The following ZNF695 variants were observed in gnomAD, a reference collection of about 807,000 sequenced individuals.
The protein encoded by ZNF695 is zinc finger protein SBZF3.
A neutral mutation model predicts 11.2 loss-of-function variants in ZNF695; 11 were observed. That is an observed-to-expected ratio of 0.98 (90% confidence interval 0.62 to 1.62). The LOEUF (loss-of-function observed/expected upper bound fraction) is 1.62. ZNF695 is among the 40% of genes most tolerant of loss of function. The probability of loss-of-function intolerance (pLI) is 0.00; values close to 1 mark genes in which losing one functional copy is unlikely to be tolerated. For synonymous variants in ZNF695, 190 were observed against 201.4 expected (o/e 0.94, Z 0.48); for missense variants, 559 against 590.5 (o/e 0.95, Z 0.55).
chr1:246,971,954 T>C (rs1429330784), intron 4 of ZNF695, among the ~76,000 whole-genome samples: 1 of 152,140 alleles, frequency 6.6e-6, no homozygotes, highest in Non-Finnish European at 1.5e-5. Context: ...CAGGCTGGTC[T>C]TGAACTCCTG....
Position 246,945,931 on chromosome 1 carries a change from C to T in ZNF695, c.489-104G>A. The T allele has an allele frequency of 3.6e-6, 5 of 1,403,124 alleles. No homozygotes were observed. The East Asian group carries it at 1.0e-4, about 28-fold the overall frequency. 86.9% of individuals were successfully genotyped at this position (1,403,124 alleles called of 1,614,324 possible). ...CCGGTTCTGATTGAAGACTTGGTTC[C>T]ATTGGAGAAGTCTGTCTGTCCCTTG... is the stretch of plus-strand genomic sequence containing the variant. On this transcript the variant is annotated intron_variant, in intron 5 of 5. Transcript: ENST00000487338.
In ZNF695 at chr1:246,959,268, G is replaced by GT. The variant is rs569584509; in HGVS notation, c.488+8426dup. ...GACTCACTCCAGCCTGGATGACAGA[G>GT]TGAGACCCTGTCTCAAAAAAAAAAA... On this transcript the variant is annotated intron_variant, in intron 5 of 5. Transcript: ENST00000487338. Among the ~76,000 whole-genome samples the GT allele has an allele frequency of 1.2e-3, 107 of 91,020 alleles. 1 individual carries two copies. The highest frequency in any genetic ancestry group is 4.7e-3 in the African/African-American group (102 of 21,522). The allele number at this position is 91,020 out of a possible 152,430, so 59.7% of individuals were successfully genotyped here. A position where few individuals can be genotyped will look rare whatever the true frequency, so the allele number is the denominator to read the frequency against.
chr1:246,958,354 A>G (rs562955788), intron 5 of ZNF695, among the ~76,000 whole-genome samples: 458 of 152,192 alleles, frequency 3.0e-3, no homozygotes, highest in Non-Finnish European at 3.8e-3. Flanking sequence ...CACTGCACCC[A>G]GCCGGGACTT....
At position 246,999,328 on chromosome 1, in the gene ZNF695, C is replaced by T. The variant is rs768029166; in HGVS notation, c.259+20G>A. The T allele has an allele frequency of 4.4e-6, 7 of 1,594,350 alleles. No individual in the cohort carries two copies. In the South Asian group the frequency reaches 7.7e-5, roughly 18 times the overall value. On this transcript the variant is annotated intron_variant, in intron 3 of 3. Coordinates refer to ENST00000339986, the MANE Select transcript of ZNF695 (RefSeq NM_020394.5). ...ATCCTTCAACCCCTACCTGTGTTCG[C>T]TTCATTCACTCCCACCTACCTGAGT...
At chr1:246,957,690 C>T (rs1381806779) in intron 5 of ZNF695, among the ~76,000 whole-genome samples, 25 of 151,864 alleles carry the variant, frequency 1.6e-4, no homozygotes, top group Admixed American at 1.6e-3. Context: ...GGCTGGAGTG[C>T]AGTGGCATGA....
At chr1:246,960,595 C>T (rs1243852081) in intron 5 of ZNF695, among the ~76,000 whole-genome samples, 2 of 152,136 alleles carry the variant, frequency 1.3e-5, no homozygotes, top group African/African-American at 2.4e-5. Context: ...TCATTTCTGT[C>T]TACAAATTCA....
At chr1:246,985,231 A>G (rs192927321), downstream of ZNF695, 4 of 908,612 alleles carry the variant, frequency 4.4e-6, no homozygotes, top group African/African-American at 7.2e-5. Context: ...AAAAGCATGT[A>G]TATGTTTTGC....
rs544325311 is a variant in ZNF695 at position 246,964,524 on chromosome 1, G to C, written c.488+3171C>G. 4.0e-4 allele frequency among the ~76,000 whole-genome samples: 61 copies of C among 152,342 alleles called. 1 individual carries two copies. In the South Asian group the frequency reaches 7.9e-3, roughly 20 times the overall value. ...TTAGGAACTCTATGCCAAAGGACTG[G>C]AGACAAATATTGCTATGGTTTGAAT... On this transcript the variant is annotated intron_variant, in intron 5 of 5. Coordinates refer to the ZNF695 transcript ENST00000487338.
At chr1:247,002,507 C>T (rs1270992614) in intron 1 of ZNF695, among the ~76,000 whole-genome samples, 7 of 152,162 alleles carry the variant, frequency 4.6e-5, no homozygotes, top group Non-Finnish European at 7.3e-5. Context: ...TAACCAAGGC[C>T]GGGCGTGGTG....
intron 5 of ZNF695, chr1:246,967,310 G>A (rs776350104): frequency 4.4e-6 from 2 of 455,230 alleles, no homozygotes; most frequent in South Asian, 3.1e-5. Flanking sequence ...GAAGACAAGG[G>A]TAGAGGCAAG....
At chr1:246,999,512 G>GAAGAGAA in intron 2 of ZNF695, 72 bp from the exon 3 acceptor site, 4 of 1,232,296 alleles carry the variant, frequency 3.2e-6, no homozygotes, top group Non-Finnish European at 4.7e-6. Context: ...GCTCAGTAGA[G>GAAGAGAA]AAGAGAAAAC....
chr1:246,952,076 G>A (rs1357470581), intron 5 of ZNF695, among the ~76,000 whole-genome samples: 4 of 152,190 alleles, frequency 2.6e-5, no homozygotes, highest in Non-Finnish European at 5.9e-5. Flanking sequence ...AGCCTCCTGA[G>A]TAGCTGGGAC....
intron 5 of ZNF695, among the ~76,000 whole-genome samples, chr1:246,965,350 C>T (rs1250747402): frequency 1.4e-5 from 2 of 138,928 alleles, no homozygotes; most frequent in East Asian, 4.2e-4. Flanking sequence ...GAGAGAGACT[C>T]TGTCTCAAAA....
At chr1:247,004,143 G>A (rs1026499675) in intron 1 of ZNF695, among the ~76,000 whole-genome samples, 68 of 152,250 alleles carry the variant, frequency 4.5e-4, no homozygotes, top group Admixed American at 1.0e-3. Flanking sequence ...CCCAGAGGGC[G>A]GAGGTTGCAG....
chr1:246,956,937 G>A (rs1668016653), intron 5 of ZNF695, among the ~76,000 whole-genome samples: 1 of 151,896 alleles, frequency 6.6e-6, no homozygotes, highest in African/African-American at 2.4e-5. Flanking sequence ...ATTTACAGGT[G>A]GTATCATGAT....
At chr1:246,997,459 C>T (rs541252395) in intron 3 of ZNF695, among the ~76,000 whole-genome samples, 51 of 151,164 alleles carry the variant, frequency 3.4e-4, no homozygotes, top group East Asian at 2.5e-3. Flanking sequence ...GCTGAGATCA[C>T]GCCACTGCAC....
intron 4 of ZNF695, among the ~76,000 whole-genome samples, chr1:246,970,860 G>A (rs1436532865): frequency 2.6e-5 from 4 of 152,222 alleles, no homozygotes; most frequent in South Asian, 2.1e-4. Context: ...TCCACCTCCC[G>A]AGTTCAAGCG....
intron 1 of ZNF695, 96 bp from the exon 2 acceptor site, chr1:247,000,170 T>C (rs964283131): frequency 4.1e-6 from 4 of 983,460 alleles, no homozygotes; most frequent in African/African-American, 1.7e-5. Flanking sequence ...CTCTGACTTA[T>C]ATGAGTGACT....
chr1:246,977,316 G>C (rs1488762342), intron 4 of ZNF695, among the ~76,000 whole-genome samples: 1 of 152,218 alleles, frequency 6.6e-6, no homozygotes, highest in Non-Finnish European at 1.5e-5. Flanking sequence ...GAGTGCAGTG[G>C]TGTGATCTTG....
Sources: gnomAD v4.1 joint callset for allele counts (sites outside exome capture counted in the v4.1 genomes callset) on GRCh38, gnomAD v4.1.1 for gene constraint, MANE v1.5 for transcripts, NCBI Gene and HGNC (gene_info 2026-07-23, HGNC 2026-07-21) for gene names.